PTPRT: variants seen among roughly 807,000 people sequenced by gnomAD.
The protein encoded by PTPRT is protein tyrosine phosphatase receptor type T, also known as receptor-type tyrosine-protein phosphatase T.
In PTPRT, 56 loss-of-function variants were observed where a neutral mutation model predicts 176.8. That is an observed-to-expected ratio of 0.32 (90% CI 0.26 to 0.40). The LOEUF (loss-of-function observed/expected upper bound fraction) is 0.40, where lower values mean the gene tolerates loss of function less well. Ranked by LOEUF, PTPRT falls within the 10% of genes least tolerant of loss-of-function variation. The pLI, the probability that PTPRT is intolerant of heterozygous loss-of-function variation, is 1.00. For synonymous variants in PTPRT, 783 were observed against 739.0 expected, an observed-to-expected ratio of 1.06 and a Z score of -0.96; for missense variants, 1,540 against 1,908.2, an observed-to-expected ratio of 0.81 and a Z score of 3.60.
At chr20:42,345,539 C>CTAGT (rs1457243220) in intron 11 of PTPRT, among the ~76,000 whole-genome samples, 1 of 140,246 alleles carries the variant, frequency 7.1e-6, no homozygotes, top group Non-Finnish European at 1.5e-5. Context: ...ATATATAAAA[C>CTAGT]TAGTTACTAT....
intron 1 of PTPRT, among the ~76,000 whole-genome samples, chr20:42,904,777 T>C (rs1376794160): frequency 6.6e-6 from 1 of 151,974 alleles, no homozygotes; most frequent in East Asian, 1.9e-4. Context: ...TCTACAACCA[T>C]CTGATCTTTG....
chr20:42,326,952 TA>T (rs796232217), intron 11 of PTPRT, among the ~76,000 whole-genome samples: 2,706 of 134,860 alleles, frequency 0.02, 70 homozygotes, highest in African/African-American at 0.066. Flanking sequence ...GTTAAGAACT[TA>T]AAAAAAAAAA....
At position 42,687,960 on chromosome 20, in the gene PTPRT, A is replaced by G. The variant is rs1456468908; in HGVS notation, c.860-9801T>C. 3 of 152,202 alleles carry G rather than the reference A, an allele frequency of 2.0e-5. No homozygotes were observed. In the East Asian group the frequency reaches 5.8e-4, roughly 29 times the overall value. 9.4% of individuals were successfully genotyped at this position (152,202 alleles called of 1,614,324 possible). A position where few individuals can be genotyped will look rare whatever the true frequency, so the allele number is the denominator to read the frequency against. On this transcript the variant is annotated intron_variant, in intron 6 of 30. Coordinates refer to ENST00000373187, the MANE Select transcript of PTPRT (RefSeq NM_007050.6). ...CATATCACACCGGAAAGTAAGTACT[A>G]TTCTAGTATGCATTTATAGATGAGG...
At chr20:42,924,516 C>T (rs956687588) in intron 1 of PTPRT, among the ~76,000 whole-genome samples, 2 of 152,212 alleles carry the variant, frequency 1.3e-5, no homozygotes, top group African/African-American at 4.8e-5. Flanking sequence ...GGAGCCCACA[C>T]TTTTCCTAAA....
intron 13 of PTPRT, among the ~76,000 whole-genome samples, chr20:42,262,063 G>T (rs181883522): frequency 7.0e-4 from 107 of 152,290 alleles, no homozygotes; most frequent in African/African-American, 2.5e-3. Context: ...CAACTAACCC[G>T]TGCAACGGTA....
chr20:42,974,537 C>T (rs1265494799), intron 1 of PTPRT, among the ~76,000 whole-genome samples: 1 of 152,068 alleles, frequency 6.6e-6, no homozygotes, highest in African/African-American at 2.4e-5. Flanking sequence ...AGCTTCTCTG[C>T]AGCTTCTTTC....
At chr20:42,111,263 T>C (rs1450635640) in intron 22 of PTPRT, among the ~76,000 whole-genome samples, 2 of 152,084 alleles carry the variant, frequency 1.3e-5, no homozygotes, top group Non-Finnish European at 2.9e-5. Flanking sequence ...CTCCTGCAGA[T>C]ACCCAGAGAA....
chr20:42,102,888 C>T lies in PTPRT; in HGVS notation c.3541-591G>A, dbSNP rs146921172. Among the ~76,000 whole-genome samples the T allele has an allele frequency of 2.7e-4, 41 of 152,366 alleles. 1 individual carries two copies. Among genetic ancestry groups the T allele is most frequent in the African/African-American group, 9.4e-4 (39 of 41,590 alleles). On this transcript the variant is annotated intron_variant, in intron 25 of 30. Transcript: ENST00000373187. ...TTGCAAGTTTGAGGCCAGAGCTGAA[C>T]TGCTCTAGCCAATGGACTAGATGTT...
intron 2 of PTPRT, among the ~76,000 whole-genome samples, chr20:42,826,828 A>G (rs1244322481): frequency 6.6e-6 from 1 of 152,198 alleles, no homozygotes; most frequent in Non-Finnish European, 1.5e-5. Flanking sequence ...CATGCAATGA[A>G]TGGCACACAA....
intron 2 of PTPRT, among the ~76,000 whole-genome samples, chr20:42,839,645 A>G (rs2078243356): frequency 6.6e-6 from 1 of 152,182 alleles, no homozygotes; most frequent in Non-Finnish European, 1.5e-5. Context: ...AGCTGAGAAG[A>G]GTGAAGAGAA....
chr20:42,756,551 G>A lies in PTPRT; in HGVS notation c.770C>T (p.Thr257Ile). Residue 257 changes from threonine (T) to isoleucine (I), a missense_variant, in exon 6 of 31, where the codon ACT becomes ATT. Physicochemically the swap from Thr to Ile is moderately conservative, Grantham distance 89. This residue lies in a region of PTPRT where 273 missense variants were observed against 432.1 expected (regional missense o/e 0.63). Transcript: ENST00000373187. ...RFSATVSVAD[T>I]AQRSVSKYRC... ...GTACTTGCTGACGCTCCGCTGGGCA[G>A]TGTCTGCCACACTGACTGTGGCTGA... The A allele has an allele frequency of 1.9e-6, 3 of 1,613,256 alleles. No homozygotes were observed. The highest frequency in any genetic ancestry group is 2.5e-6 in the Non-Finnish European group (3 of 1,179,398).
At chr20:42,303,849 T>C (rs570171984) in intron 12 of PTPRT, among the ~76,000 whole-genome samples, 11 of 152,218 alleles carry the variant, frequency 7.2e-5, no homozygotes, top group African/African-American at 2.2e-4. Flanking sequence ...TGGCTGAATA[T>C]AGAAGGTGAT....
chr20:42,212,318 CAAAA>C (rs71193651), intron 15 of PTPRT, among the ~76,000 whole-genome samples: 2 of 106,914 alleles, frequency 1.9e-5, no homozygotes, highest in African/African-American at 7.5e-5. Context: ...AAAAAAAAGA[CAAAA>C]AAAAAAAAAG....
At chr20:42,683,440 G>C (rs566443938) in intron 6 of PTPRT, among the ~76,000 whole-genome samples, 131 of 152,194 alleles carry the variant, frequency 8.6e-4, no homozygotes, top group Non-Finnish European at 1.5e-3. Flanking sequence ...ACCACGTCCA[G>C]CTAATTTTTG....
intron 1 of PTPRT, among the ~76,000 whole-genome samples, chr20:42,993,718 C>G (rs1984078106): frequency 6.6e-6 from 1 of 151,824 alleles, no homozygotes; most frequent in South Asian, 2.1e-4. Context: ...ATTTCCCAGA[C>G]TGGTAAACCA....
At position 42,772,096 on chromosome 20, in the gene PTPRT, A is replaced by G. The variant is rs537260019; in HGVS notation, c.569-546T>C. 3.3e-5 allele frequency among the ~76,000 whole-genome samples: 5 copies of G among 152,308 alleles called. No homozygotes were observed. The East Asian group carries it at 9.6e-4, about 29-fold the overall frequency. On this transcript the variant is annotated intron_variant, in intron 4 of 30. Transcript: ENST00000373187. ...GAAGTGAAGCACCTTTGGGCCTGAT[A>G]CCTGCACACTTGGCCTGGGTGACGA...
chr20:42,870,837 T>G (rs1188036060), intron 2 of PTPRT, among the ~76,000 whole-genome samples: 1 of 152,220 alleles, frequency 6.6e-6, no homozygotes, highest in African/African-American at 2.4e-5. Context: ...GCTTGACGTT[T>G]ATTTCTTTTT....
chr20:42,841,921 T>A (rs1222007776), intron 2 of PTPRT, among the ~76,000 whole-genome samples: 4 of 152,212 alleles, frequency 2.6e-5, no homozygotes, highest in African/African-American at 9.6e-5. Flanking sequence ...GACTTGTGCA[T>A]TATAAGTGGT....
intron 13 of PTPRT, among the ~76,000 whole-genome samples, chr20:42,282,144 C>T (rs2057150109): frequency 6.6e-6 from 1 of 151,966 alleles, no homozygotes; most frequent in South Asian, 2.1e-4. Context: ...TAAAAAATAC[C>T]CACATAAACA....
Sources: gnomAD v4.1 joint callset for allele counts (sites outside exome capture counted in the v4.1 genomes callset) on GRCh38, gnomAD v4.1.1 for gene constraint, gnomAD v4.1.1 regional missense constraint, MANE v1.5 for transcripts, NCBI Gene and HGNC (gene_info 2026-07-23, HGNC 2026-07-21) for gene names.